MAN1B1: variants seen among roughly 807,000 people sequenced by gnomAD.
MAN1B1 encodes endoplasmic reticulum mannosyl-oligosaccharide 1,2-alpha-mannosidase.
Under a neutral mutation model 75.5 loss-of-function variants are expected in MAN1B1, and 66 were observed. The observed-to-expected ratio is 0.87, with a 90% CI of 0.72 to 1.07. The LOEUF is 1.07. Ranked by LOEUF, MAN1B1 falls within the 50% of genes least tolerant of loss-of-function variation. MAN1B1 has a pLI of 0.00. For missense variants in MAN1B1, 973 were observed against 912.5 expected (o/e 1.07, Z -0.85); for synonymous variants, 453 against 382.8 (o/e 1.18, Z -2.14).
At chr9:137,098,036 C>A in intron 5 of MAN1B1, 99 bp downstream of exon 5, 2 of 855,892 alleles carry the variant, frequency 2.3e-6, no homozygotes, top group Non-Finnish European at 3.8e-6. Flanking sequence ...CGCCCCCGCC[C>A]TGGTGTGCAC....
chr9:137,107,733 G>A lies in MAN1B1; in HGVS notation c.1896+71G>A. ...AGGCACGGCTGGGCTGTGGGGCTCA[G>A]GCTGGCTCCGCTCTTGGTGGTGGCT... On this transcript the variant is annotated intron_variant, in intron 12 of 12. Transcript: ENST00000371589. 4.4e-6 allele frequency: 7 copies of A among 1,607,574 alleles called. No individual in the cohort carries two copies. Among genetic ancestry groups the A allele is most frequent in the Non-Finnish European group, 5.9e-6 (7 of 1,176,678 alleles).
chr9:137,090,726 G>A (rs1830493407), intron 3 of MAN1B1, among the ~76,000 whole-genome samples: 1 of 152,008 alleles, frequency 6.6e-6, no homozygotes, highest in Non-Finnish European at 1.5e-5. Flanking sequence ...TTTTAATAGA[G>A]ACGTGTTTCA....
At chr9:137,099,234 G>A (rs183153370) in intron 5 of MAN1B1, among the ~76,000 whole-genome samples, 10 of 152,378 alleles carry the variant, frequency 6.6e-5, no homozygotes, top group Non-Finnish European at 1.3e-4. Flanking sequence ...TGTTTGAGTC[G>A]AGGATGTTCA....
chr9:137,101,121 C>T lies in MAN1B1; in HGVS notation c.1033C>T (p.Leu345=), dbSNP rs1326340922. 6.2e-7 allele frequency: 1 copy of T among 1,614,132 alleles called. No homozygotes were observed. The highest frequency in any genetic ancestry group is 1.1e-5 in the South Asian group (1 of 91,074). The change falls in exon 7 of 13, where the codon CTG becomes TTG. Residue 345 remains leucine (L), a synonymous_variant. Transcript: ENST00000371589. ...GGGGGGGCTCCTGAGTGCCTACCAC[C>T]TGTCTGGGGACAGCCTCTTCCTGAG... ...ILGGLLSAYH[L]SGDSLFLRKA...
intron 3 of MAN1B1, 141 bp from the exon 4 acceptor site, chr9:137,096,096 A>G: frequency 2.3e-6 from 2 of 867,474 alleles, no homozygotes; most frequent in Non-Finnish European, 3.8e-6. Flanking sequence ...TGCCTGTCGT[A>G]TTGAAAAACG....
intron 8 of MAN1B1, chr9:137,104,900 ACCTG>A (rs1831041943): frequency 8.0e-6 from 1 of 125,656 alleles, no homozygotes; most frequent in African/African-American, 3.1e-5. Flanking sequence ...GGGTGCACAC[ACCTG>A]CCTGAGGCTG....
chr9:137,105,627 T>TA (rs1831066285), intron 8 of MAN1B1: 1 of 319,966 alleles, frequency 3.1e-6, no homozygotes, highest in East Asian at 9.8e-5. Flanking sequence ...TGCTGCCAGC[T>TA]GGGCGTAAGC....
chr9:137,107,941 G>A, intron 12 of MAN1B1: 1 of 637,728 alleles, frequency 1.6e-6, no homozygotes, highest in Non-Finnish European at 2.9e-6. Flanking sequence ...TCTGCTGTGG[G>A]CCCAGCATCC....
At chr9:137,106,571 T>C (rs1381160543) in intron 9 of MAN1B1, 118 bp from the exon 10 acceptor site, 2 of 1,530,838 alleles carry the variant, frequency 1.3e-6, no homozygotes, top group Non-Finnish European at 1.8e-6. Context: ...TGGCACCTTC[T>C]GTCCGGCAAG....
rs779058964 is a variant in MAN1B1 at position 137,106,732 on chromosome 9, C to G, written c.1489C>G (p.His497Asp). The G allele has an allele frequency of 2.5e-6, 4 of 1,613,406 alleles. No homozygotes were observed. In the African/African-American group the frequency reaches 4.0e-5, roughly 16 times the overall value. The change falls in exon 10 of 13, where the codon CAC becomes GAC. Residue 497 changes from histidine (H) to aspartate (D), a missense_variant. Coordinates refer to ENST00000371589, the MANE Select transcript of MAN1B1 (RefSeq NM_016219.5). The part of the protein sequence containing the change: ...YVEAIEGVRT[H>D]LLRHSEPSKL... ...GGAAGCCATCGAGGGTGTCAGAACG[C>G]ACCTGCTGCGGCACTCCGAGCCCAG... is the stretch of plus-strand genomic sequence containing the variant.
rs1830830101 is a variant in MAN1B1, at chr9:137,101,960, T to C, written c.1254+288T>C. 3 of 563,488 alleles carry C rather than the reference T, an allele frequency of 5.3e-6. No homozygotes were observed. The African/African-American group carries it at 6.0e-5, about 11-fold the overall frequency. 34.9% of individuals were successfully genotyped at this position (563,488 alleles called of 1,614,324 possible). On this transcript the variant is annotated intron_variant, in intron 8 of 12. Coordinates refer to ENST00000371589, the MANE Select transcript of MAN1B1 (RefSeq NM_016219.5). ...GGGCTGTTGCAGGCGTACAGGTCAG[T>C]GGTGTTACACACATGCTGTTGCAGG...
At chr9:137,100,906 C>A in intron 6 of MAN1B1, 99 bp from the exon 7 acceptor site, 1 of 1,386,576 alleles carries the variant, frequency 7.2e-7, no homozygotes. Flanking sequence ...AGGCATGAGC[C>A]ACCACGCCCA....
At chr9:137,093,827 C>G (rs994999345) in intron 3 of MAN1B1, among the ~76,000 whole-genome samples, 7 of 151,824 alleles carry the variant, frequency 4.6e-5, no homozygotes, top group African/African-American at 1.7e-4. Flanking sequence ...GAGCAAGACT[C>G]TGTCTCAAAA....
At chr9:137,097,690 C>G in intron 4 of MAN1B1, 138 bp from the exon 5 acceptor site, 1 of 711,792 alleles carries the variant, frequency 1.4e-6, no homozygotes, top group Non-Finnish European at 2.6e-6. Flanking sequence ...TCCTGCCACT[C>G]AGCAGCCTGC....
Position 137,097,889 on chromosome 9 carries a change from G to C in MAN1B1, c.682G>C (p.Val228Leu), listed in dbSNP as rs571824932. The C allele has an allele frequency of 7.7e-6, 12 of 1,561,086 alleles. No homozygotes were observed. Among genetic ancestry groups the C allele is most frequent in the Non-Finnish European group, 1.0e-5 (12 of 1,153,322 alleles). The change falls in exon 5 of 13, where the codon GTG becomes CTG. Residue 228 changes from valine to leucine, a missense_variant. Val to Leu is a conservative substitution (Grantham distance 32). Coordinates refer to ENST00000371589, the MANE Select transcript of MAN1B1 (RefSeq NM_016219.5). ...CGAGCTCCCTTCAAGAAGAGCAGAA[G>C]TGCCCACCAAGCCTCCCCTGCCACC... ...GTELPSRRAE[V>L]PTKPPLPPAR...
intron 8 of MAN1B1, chr9:137,103,047 C>A: frequency 2.3e-6 from 1 of 426,134 alleles, no homozygotes; most frequent in Non-Finnish European, 4.5e-6. Flanking sequence ...CACACTGTTG[C>A]AGGCGTGCAG....
intron 8 of MAN1B1, chr9:137,105,227 G>C (rs962919837): frequency 2.6e-5 from 4 of 152,752 alleles, no homozygotes; most frequent in African/African-American, 9.6e-5. Flanking sequence ...TCAGTTTATT[G>C]TTGCTCATGT....
chr9:137,101,064 G>A lies in MAN1B1; in HGVS notation c.976G>A (p.Val326Ile), dbSNP rs750724496. The part of the protein sequence containing the change: ...KKLHFEKDVD[V>I]NLFESTIRIL... ...GTTACACTTTGAAAAGGACGTGGACGTCAACCTGTTTGAGAGCACGATCCG... is the reference window on the plus strand; with the variant it reads ...GTTACACTTTGAAAAGGACGTGGACATCAACCTGTTTGAGAGCACGATCCG... The change falls in exon 7 of 13, where the codon GTC becomes ATC. Residue 326 changes from valine (V) to isoleucine (I), a missense_variant. Physicochemically the swap from Val to Ile is conservative, Grantham distance 29 (BLOSUM62 3). Coordinates refer to ENST00000371589, the MANE Select transcript of MAN1B1 (RefSeq NM_016219.5). The A allele has an allele frequency of 6.8e-6, 11 of 1,614,174 alleles. No homozygotes were observed. The highest frequency in any genetic ancestry group is 9.3e-6 in the Non-Finnish European group (11 of 1,180,028).
chr9:137,088,498 C>T (rs1474767587), intron 2 of MAN1B1: 11 of 1,322,266 alleles, frequency 8.3e-6, no homozygotes, highest in African/African-American at 1.4e-5. Flanking sequence ...CACTCATTAG[C>T]GTGTGTTTGG....
Sources: allele counts gnomAD v4.1 joint callset (sites outside exome capture counted in the v4.1 genomes callset), GRCh38; gene constraint gnomAD v4.1.1; transcripts MANE v1.5; gene names NCBI Gene and HGNC (gene_info 2026-07-23, HGNC 2026-07-21).